The following PTPRG variants were observed in gnomAD, a reference collection of about 807,000 sequenced individuals.
PTPRG encodes the protein receptor-type tyrosine-protein phosphatase gamma.
Under a neutral mutation model 165.3 loss-of-function variants are expected in PTPRG, and 102 were observed. That is an observed-to-expected ratio of 0.62 (90% CI 0.53 to 0.73). PTPRG has a LOEUF of 0.73. Ranked by LOEUF, PTPRG falls within the 30% of genes least tolerant of loss-of-function variation. The pLI is 0.00. For missense variants in PTPRG, 1,866 were observed against 1,861.4 expected, an observed-to-expected ratio of 1.00 and a Z score of -0.05; for synonymous variants, 675 against 669.5, an observed-to-expected ratio of 1.01 and a Z score of -0.13.
chr3:61,655,044 C>T (rs1358629985), intron 1 of PTPRG, among the ~76,000 whole-genome samples: 2 of 152,156 alleles, frequency 1.3e-5, no homozygotes, highest in Admixed American at 6.5e-5. Context: ...ACCTCGGCTT[C>T]CCAAAGTGCT....
In PTPRG at chr3:62,269,130, T is replaced by C. The variant is rs1476171059; in HGVS notation, c.2970T>C (p.Thr990=). The change falls in exon 20 of 30, where the codon ACT becomes ACC. Residue 990 remains threonine (T), a synonymous_variant. Coordinates refer to ENST00000474889, the MANE Select transcript of PTPRG (RefSeq NM_002841.4). ...LKSTKIHACY[T]VRRFSIRNTK... ...GCACAAAAATACATGCCTGCTACAC[T>C]GTTCGTCGTTTTTCAATCAGAAATA... 1.9e-6 allele frequency: 3 copies of C among 1,595,960 alleles called. No homozygotes were observed. Among genetic ancestry groups the C allele is most frequent in the Non-Finnish European group, 2.6e-6 (3 of 1,167,266 alleles).
Position 62,124,355 on chromosome 3 carries a change from A to G in PTPRG, c.616-8247A>G, listed in dbSNP as rs542055183. 1.1e-4 allele frequency: 184 copies of G among 1,612,966 alleles called. 2 individuals carry two copies. The South Asian group carries it at 1.8e-3, about 16-fold the overall frequency. On this transcript the variant is annotated intron_variant, in intron 5 of 29. Transcript: ENST00000474889. ...GGGTCTCTGGTGATGCAGGCTGACAATAGTGGGATGCAAGTCCAGGGTGAT... is the reference window on the plus strand; with the variant it reads ...GGGTCTCTGGTGATGCAGGCTGACAGTAGTGGGATGCAAGTCCAGGGTGAT...
chr3:61,620,100 A>G (rs948189473), intron 1 of PTPRG, among the ~76,000 whole-genome samples: 3 of 152,178 alleles, frequency 2.0e-5, no homozygotes, highest in African/African-American at 7.2e-5. Context: ...GTAGAATAAT[A>G]AAAGGACTTT....
At chr3:61,945,157 T>A (rs990053317) in intron 2 of PTPRG, among the ~76,000 whole-genome samples, 1 of 152,152 alleles carries the variant, frequency 6.6e-6, no homozygotes, top group African/African-American at 2.4e-5. Flanking sequence ...AGGTATATAG[T>A]CTTGGCCAAC....
intron 2 of PTPRG, among the ~76,000 whole-genome samples, chr3:61,777,525 G>A (rs1478084292): frequency 1.3e-5 from 2 of 152,156 alleles, no homozygotes; most frequent in Non-Finnish European, 2.9e-5. Context: ...CAACTGTCAC[G>A]GTACTGCAGA....
At chr3:61,937,896 C>T (rs1051705445) in intron 2 of PTPRG, among the ~76,000 whole-genome samples, 1 of 151,044 alleles carries the variant, frequency 6.6e-6, no homozygotes, top group Non-Finnish European at 1.5e-5. Context: ...AGCTTTTAAG[C>T]TGTAAATGAA....
chr3:61,999,917 C>T (rs1170132538), intron 3 of PTPRG, among the ~76,000 whole-genome samples: 2 of 152,050 alleles, frequency 1.3e-5, no homozygotes, highest in Non-Finnish European at 2.9e-5. Context: ...TTGATATAAT[C>T]AAAAAGATAG....
chr3:61,821,826 G>A (rs1358980788), intron 2 of PTPRG, among the ~76,000 whole-genome samples: 1 of 152,208 alleles, frequency 6.6e-6, no homozygotes, highest in African/African-American at 2.4e-5. Flanking sequence ...TATATCACTG[G>A]ATTTCACAGC....
At chr3:61,919,387 A>C (rs2039022624) in intron 2 of PTPRG, among the ~76,000 whole-genome samples, 1 of 152,238 alleles carries the variant, frequency 6.6e-6, no homozygotes, top group African/African-American at 2.4e-5. Flanking sequence ...GCCAACAAAT[A>C]GAAAGCAAAT....
chr3:62,030,582 C>A (rs1027576243), intron 4 of PTPRG, among the ~76,000 whole-genome samples: 1 of 152,062 alleles, frequency 6.6e-6, no homozygotes, highest in African/African-American at 2.4e-5. Context: ...CATCATTGAT[C>A]AATCAGTTGA....
chr3:61,585,294 A>G (rs1018772348), intron 1 of PTPRG, among the ~76,000 whole-genome samples: 2 of 151,504 alleles, frequency 1.3e-5, no homozygotes, highest in African/African-American at 4.9e-5. Context: ...AAAAAAAAAA[A>G]AAAAGAAAAA....
chr3:62,225,999 C>T (rs73098585), intron 13 of PTPRG, among the ~76,000 whole-genome samples: 12 of 152,298 alleles, frequency 7.9e-5, no homozygotes, highest in Non-Finnish European at 1.2e-4. Context: ...GACATGTGCT[C>T]AGCAGATTAT....
At chr3:61,637,454 T>C (rs1457436948) in intron 1 of PTPRG, among the ~76,000 whole-genome samples, 1 of 152,272 alleles carries the variant, frequency 6.6e-6, no homozygotes, top group Middle Eastern at 3.4e-3. Context: ...GTGCTGGGCA[T>C]GTTGGTAAGG....
At chr3:62,001,383 A>G (rs2041168860) in intron 3 of PTPRG, among the ~76,000 whole-genome samples, 2 of 152,212 alleles carry the variant, frequency 1.3e-5, no homozygotes, top group South Asian at 4.1e-4. Flanking sequence ...TATTTATAAG[A>G]TGCTGCTGAT....
chr3:61,796,831 A>G (rs1475977489), intron 2 of PTPRG, among the ~76,000 whole-genome samples: 3 of 151,520 alleles, frequency 2.0e-5, no homozygotes, highest in African/African-American at 7.3e-5. Context: ...TTCTCTCTTC[A>G]CTCTCTTTTC....
chr3:61,904,756 A>G (rs1053313126), intron 2 of PTPRG, among the ~76,000 whole-genome samples: 3 of 152,248 alleles, frequency 2.0e-5, no homozygotes, highest in African/African-American at 7.2e-5. Flanking sequence ...AAGGCATTGC[A>G]TATGAGTATA....
At chr3:61,612,822 A>G (rs1041989484) in intron 1 of PTPRG, among the ~76,000 whole-genome samples, 2 of 151,292 alleles carry the variant, frequency 1.3e-5, no homozygotes, top group African/African-American at 2.4e-5. Flanking sequence ...ATGGGATCCT[A>G]TTACTCGTTC....
chr3:62,078,323 T>C (rs763454950), intron 5 of PTPRG, 65 bp downstream of exon 5: 4 of 1,165,344 alleles, frequency 3.4e-6, no homozygotes, highest in African/African-American at 1.6e-5. Context: ...TTTGCCGAAT[T>C]GTTCCATGTT....
At chr3:61,978,041 G>A (rs191982771) in intron 2 of PTPRG, among the ~76,000 whole-genome samples, 1 of 152,248 alleles carries the variant, frequency 6.6e-6, no homozygotes, top group African/African-American at 2.4e-5. Flanking sequence ...TAGTAGAGAC[G>A]GGGTTTCGCC....
Sources: gnomAD v4.1 joint callset for allele counts (sites outside exome capture counted in the v4.1 genomes callset) on GRCh38, gnomAD v4.1.1 for gene constraint, MANE v1.5 for transcripts, NCBI Gene and HGNC (gene_info 2026-07-23, HGNC 2026-07-21) for gene names.